NUFIP1: variants seen among roughly 807,000 people sequenced by gnomAD.
NUFIP1 encodes the protein FMR1-interacting protein NUFIP1.
NUFIP1 carries 38 observed loss-of-function variants against 56.2 expected under a neutral mutation model. The ratio of observed to expected loss-of-function variants is 0.68; its 90% confidence interval spans 0.52 to 0.89. The LOEUF is 0.89. Ranked by LOEUF, NUFIP1 falls within the 40% of genes least tolerant of loss-of-function variation. The pLI, the probability that NUFIP1 is intolerant of heterozygous loss-of-function variation, is 0.00. For synonymous variants in NUFIP1, 215 were observed against 212.4 expected (o/e 1.01, Z -0.10); for missense variants, 567 against 605.8 (o/e 0.94, Z 0.67).
intron 7 of NUFIP1, among the ~76,000 whole-genome samples, chr13:44,956,122 C>T (rs1318471583): frequency 3.0e-5 from 4 of 133,498 alleles, no homozygotes; most frequent in Admixed American, 2.6e-4. Context: ...CCAGCCTGGG[C>T]GACAGCGAGA....
chr13:44,965,788 G>GT, intron 6 of NUFIP1, 56 bp downstream of exon 6: 2 of 931,692 alleles, frequency 2.1e-6, no homozygotes. Context: ...GTACATAAGG[G>GT]TTTTAAGATT....
In NUFIP1 at chr13:44,989,382, C is replaced by T; in HGVS notation, c.55G>A (p.Glu19Lys). The change falls in exon 1 of 10, where the codon GAG (glutamate) becomes AAG (lysine). Residue 19 changes from glutamate (E) to lysine (K), a missense_variant. Coordinates refer to ENST00000379161, the MANE Select transcript of NUFIP1 (RefSeq NM_012345.3). ...ETPIGWHASP[E>K]LTPTLGPLSD... ...AGGGGCCCTAACGTGGGAGTCAGCT[C>T]GGGAGACGCATGCCACCCGATAGGA... The T allele has an allele frequency of 6.2e-7, 1 of 1,613,428 alleles. No homozygotes were observed. Among genetic ancestry groups the T allele is most frequent in the Non-Finnish European group, 8.5e-7 (1 of 1,179,866 alleles).
At chr13:44,978,114 A>C (rs1872053437) in intron 5 of NUFIP1, among the ~76,000 whole-genome samples, 1 of 152,204 alleles carries the variant, frequency 6.6e-6, no homozygotes, top group South Asian at 2.1e-4. Context: ...CACAGTATTA[A>C]TACCTGATAC....
chr13:44,983,036 A>G (rs980768607), intron 1 of NUFIP1, among the ~76,000 whole-genome samples: 2 of 152,126 alleles, frequency 1.3e-5, no homozygotes, highest in East Asian at 1.9e-4. Context: ...TATTCTTTGT[A>G]TAGAGATGGG....
intron 1 of NUFIP1, among the ~76,000 whole-genome samples, chr13:44,983,489 T>TAAAA (rs1157611321): frequency 3.6e-5 from 4 of 112,086 alleles, no homozygotes; most frequent in African/African-American, 6.6e-5. Context: ...CCGTCTCAAA[T>TAAAA]AAAAAAAAAA....
At chr13:44,987,468 T>C (rs1192470132) in intron 1 of NUFIP1, among the ~76,000 whole-genome samples, 1 of 152,194 alleles carries the variant, frequency 6.6e-6, no homozygotes, top group East Asian at 1.9e-4. Flanking sequence ...GTATGTAAGT[T>C]GTTTTTTAAG....
intron 8 of NUFIP1, among the ~76,000 whole-genome samples, chr13:44,948,668 A>G (rs1870974373): frequency 6.6e-6 from 1 of 152,126 alleles, no homozygotes; most frequent in Non-Finnish European, 1.5e-5. Flanking sequence ...ATTGATATAA[A>G]CCTTGGATTA....
intron 7 of NUFIP1, among the ~76,000 whole-genome samples, chr13:44,950,055 G>A (rs558369971): frequency 1.3e-5 from 2 of 152,158 alleles, no homozygotes; most frequent in Non-Finnish European, 2.9e-5. Flanking sequence ...TGAGGGAAAA[G>A]GAAGCTATAT....
At chr13:44,976,855 G>T (rs538025211) in intron 5 of NUFIP1, among the ~76,000 whole-genome samples, 166 of 152,260 alleles carry the variant, frequency 1.1e-3, no homozygotes, top group Non-Finnish European at 1.5e-3. Context: ...CTTTATAATT[G>T]ACTCACTCTG....
intron 5 of NUFIP1, among the ~76,000 whole-genome samples, chr13:44,972,656 T>A (rs1871846080): frequency 6.6e-6 from 1 of 152,164 alleles, no homozygotes; most frequent in African/African-American, 2.4e-5. Flanking sequence ...TAAGATAAAC[T>A]GGGGGAGGGA....
chr13:44,947,676 T>G (rs1566055858), intron 8 of NUFIP1, among the ~76,000 whole-genome samples: 1 of 152,214 alleles, frequency 6.6e-6, no homozygotes, highest in Non-Finnish European at 1.5e-5. Flanking sequence ...TGTTCCATCT[T>G]AAGAAACAGA....
chr13:44,951,642 T>TCATA (rs1361338802), intron 7 of NUFIP1, among the ~76,000 whole-genome samples: 1 of 152,216 alleles, frequency 6.6e-6, no homozygotes, highest in African/African-American at 2.4e-5. Context: ...TGATATGCAA[T>TCATA]CATACCTTGG....
intron 5 of NUFIP1, 127 bp downstream of exon 5, chr13:44,979,063 T>C: frequency 1.5e-6 from 1 of 682,954 alleles, no homozygotes; most frequent in Non-Finnish European, 2.4e-6. Flanking sequence ...AATAATAGTC[T>C]TACATAATAT....
At position 44,948,141 on chromosome 13, in the gene NUFIP1, C is replaced by CTTTT. The variant is rs61398364; in HGVS notation, c.1138+1577_1138+1580dup. On this transcript the variant is annotated intron_variant, in intron 8 of 9. Coordinates refer to ENST00000379161, the MANE Select transcript of NUFIP1 (RefSeq NM_012345.3). The stretch of plus-strand genomic sequence containing the variant: ...TGCCATCTCCATCAAACTACATTTC[C>CTTTT]TTTTTTTTTTTTTTTTTTTTTGAGC... 9.8e-3 allele frequency among the ~76,000 whole-genome samples: 1,187 copies of CTTTT among 120,752 alleles called. 18 individuals are homozygous for CTTTT. Among genetic ancestry groups the CTTTT allele is most frequent in the East Asian group, 0.059 (254 of 4,324 alleles). 79.2% of individuals were successfully genotyped at this position (120,752 alleles called of 152,430 possible). A position where few individuals can be genotyped will look rare whatever the true frequency, so the allele number is the denominator to read the frequency against.
intron 1 of NUFIP1, among the ~76,000 whole-genome samples, chr13:44,984,540 G>T (rs1872313804): frequency 6.6e-6 from 1 of 152,180 alleles, no homozygotes; most frequent in African/African-American, 2.4e-5. Context: ...TACTCAGGAG[G>T]CTGAGGCAGA....
At chr13:44,955,767 A>T (rs1280454025) in intron 7 of NUFIP1, among the ~76,000 whole-genome samples, 9 of 152,028 alleles carry the variant, frequency 5.9e-5, no homozygotes. Flanking sequence ...CCTGGGCCGC[A>T]TTGGAAGAAC....
chr13:44,972,543 A>G (rs1871841532), intron 5 of NUFIP1, among the ~76,000 whole-genome samples: 1 of 152,236 alleles, frequency 6.6e-6, no homozygotes, highest in Non-Finnish European at 1.5e-5. Flanking sequence ...AGGTGAAGAA[A>G]CACTGTTCTA....
At chr13:44,981,604 A>G (rs1872192973) in intron 2 of NUFIP1, among the ~76,000 whole-genome samples, 1 of 152,164 alleles carries the variant, frequency 6.6e-6, no homozygotes, top group Non-Finnish European at 1.5e-5. Flanking sequence ...TGAGGTCAGG[A>G]GTTCGAGACC....
chr13:44,963,691 AATCCC>A (rs1871501192), intron 6 of NUFIP1, among the ~76,000 whole-genome samples: 2 of 152,192 alleles, frequency 1.3e-5, no homozygotes, highest in Non-Finnish European at 2.9e-5. Context: ...TCCTGGAATA[AATCCC>A]ATTTAGTCAT....
Sources: allele counts gnomAD v4.1 joint callset (sites outside exome capture counted in the v4.1 genomes callset), GRCh38; gene constraint gnomAD v4.1.1; transcripts MANE v1.5; gene names NCBI Gene and HGNC (gene_info 2026-07-23, HGNC 2026-07-21).